The following GRIK1 variants were observed in gnomAD, a reference collection of about 807,000 sequenced individuals.
GRIK1 encodes glutamate ionotropic receptor kainate type subunit 1, also known as glutamate receptor ionotropic, kainate 1.
A neutral mutation model predicts 105.7 loss-of-function variants in GRIK1; 69 were observed. The observed-to-expected ratio is 0.65, with a 90% CI of 0.54 to 0.80. The LOEUF (loss-of-function observed/expected upper bound fraction) is 0.80. Ranked by LOEUF, GRIK1 falls within the 30% of genes least tolerant of loss-of-function variation. The probability of loss-of-function intolerance (pLI) is 0.00; values close to 1 mark genes in which losing one functional copy is unlikely to be tolerated. For synonymous variants in GRIK1, 438 were observed against 431.3 expected, an observed-to-expected ratio of 1.02 and a Z score of -0.19; for missense variants, 1,109 against 1,167.3, an observed-to-expected ratio of 0.95 and a Z score of 0.73.
intron 7 of GRIK1, among the ~76,000 whole-genome samples, chr21:29,640,181 C>T (rs540524786): frequency 1.3e-4 from 20 of 150,792 alleles, no homozygotes; most frequent in African/African-American, 4.1e-4. Flanking sequence ...AAAGAAGCAG[C>T]GGGGGAAATT....
At chr21:29,933,397 G>A (rs1437924757) in intron 1 of GRIK1, among the ~76,000 whole-genome samples, 1 of 152,172 alleles carries the variant, frequency 6.6e-6, no homozygotes, top group Admixed American at 6.5e-5. Context: ...GACATTAATA[G>A]CTACGATTCA....
At chr21:29,653,100 G>T (rs1026156022) in intron 5 of GRIK1, among the ~76,000 whole-genome samples, 1 of 152,074 alleles carries the variant, frequency 6.6e-6, no homozygotes, top group African/African-American at 2.4e-5. Flanking sequence ...GAATATAAAA[G>T]CCAACCAGGA....
chr21:29,769,521 A>G (rs569062086), intron 1 of GRIK1, among the ~76,000 whole-genome samples: 51 of 152,166 alleles, frequency 3.4e-4, no homozygotes, highest in African/African-American at 1.2e-3. Context: ...GGAGTGTGCA[A>G]CCTACATCCC....
intron 1 of GRIK1, among the ~76,000 whole-genome samples, chr21:29,735,228 T>G (rs1337535110): frequency 6.6e-6 from 1 of 152,206 alleles, no homozygotes; most frequent in African/African-American, 2.4e-5. Flanking sequence ...TTCATTAAAT[T>G]CATGCATGGA....
intron 7 of GRIK1, among the ~76,000 whole-genome samples, chr21:29,640,277 C>T (rs912590957): frequency 4.6e-5 from 7 of 152,088 alleles, no homozygotes; most frequent in Non-Finnish European, 7.4e-5. Flanking sequence ...TCTGAAAAAA[C>T]ACGTGCACTT....
At chr21:29,731,637 T>G (rs1389059001) in intron 1 of GRIK1, among the ~76,000 whole-genome samples, 1 of 152,146 alleles carries the variant, frequency 6.6e-6, no homozygotes, top group Non-Finnish European at 1.5e-5. Flanking sequence ...CTGAACAAAT[T>G]GAGATGTCTG....
At chr21:29,770,144 G>A (rs777177874) in intron 1 of GRIK1, among the ~76,000 whole-genome samples, 4 of 152,128 alleles carry the variant, frequency 2.6e-5, no homozygotes, top group Non-Finnish European at 5.9e-5. Context: ...TACAAACACT[G>A]CTTTGTGACT....
At chr21:29,633,729 C>A (rs2062336619) in intron 7 of GRIK1, among the ~76,000 whole-genome samples, 1 of 152,086 alleles carries the variant, frequency 6.6e-6, no homozygotes, top group Non-Finnish European at 1.5e-5. Context: ...ACCCACTCTT[C>A]CTTAGGTCTA....
rs151311982 is a variant in GRIK1, at chr21:29,740,069, T to C, written c.119-46006A>G. On this transcript the variant is annotated intron_variant, in intron 1 of 17. Transcript: ENST00000327783. Reference sequence around the variant, plus strand: ...AAATGATTTCAATTGAAAAAACTTCTTCTGGATTAAGTGACTATTACATTG... The same window carrying C: ...AAATGATTTCAATTGAAAAAACTTCCTCTGGATTAAGTGACTATTACATTG... Among the ~76,000 whole-genome samples, 369 of 152,356 alleles carry C rather than the reference T, an allele frequency of 2.4e-3. 2 individuals are homozygous for C. The highest frequency in any genetic ancestry group is 0.019 in the South Asian group (93 of 4,828).
At position 29,561,823 on chromosome 21, in the gene GRIK1, C is replaced by T. The variant is rs2090487891; in HGVS notation, c.2157G>A (p.Lys719=). Residue 719 remains lysine (K), a synonymous_variant, in exon 15 of 18, where the codon AAG becomes AAA. Transcript: ENST00000327783. ...GCCTGCTGCTCATGAAAGCCCACAT[C>T]TTCTCATAGGTGGAGATTTTTGATT... is the stretch of plus-strand genomic sequence containing the variant. ...FKKSKISTYE[K]MWAFMSSRQQ... 6.2e-7 allele frequency: 1 copy of T among 1,613,272 alleles called. No individual in the cohort carries two copies. The highest frequency in any genetic ancestry group is 2.2e-5 in the East Asian group (1 of 44,878).
At chr21:29,833,386 G>A (rs1256374568) in intron 1 of GRIK1, among the ~76,000 whole-genome samples, 1 of 152,084 alleles carries the variant, frequency 6.6e-6, no homozygotes, top group East Asian at 1.9e-4. Context: ...CCAATTTTCT[G>A]TATTAGTCAG....
chr21:29,812,436 C>T (rs968546227), intron 1 of GRIK1, among the ~76,000 whole-genome samples: 1 of 152,208 alleles, frequency 6.6e-6, no homozygotes, highest in African/African-American at 2.4e-5. Context: ...GAATCCTTTG[C>T]CATTTGTTCT....
chr21:29,776,660 G>T lies in GRIK1; in HGVS notation c.119-82597C>A. Among the ~76,000 whole-genome samples the T allele has an allele frequency of 1.3e-5, 2 of 152,184 alleles. 1 individual carries two copies. The highest frequency in any genetic ancestry group is 3.9e-4 in the East Asian group (2 of 5,188). ...ATTTTTAATATTTTAACTCCCTGTT[G>T]ATAAAAGTGAAAGAGTCTAAAGTTT... On this transcript the variant is annotated intron_variant, in intron 1 of 17. Coordinates refer to ENST00000327783, the MANE Select transcript of GRIK1 (RefSeq NM_001330994.2).
intron 1 of GRIK1, among the ~76,000 whole-genome samples, chr21:29,856,093 T>C (rs960565841): frequency 7.2e-5 from 11 of 152,158 alleles, no homozygotes; most frequent in African/African-American, 2.7e-4. Flanking sequence ...ATTTCTGGGG[T>C]ACAAGTAGTG....
intron 1 of GRIK1, among the ~76,000 whole-genome samples, chr21:29,858,950 A>G (rs1383794206): frequency 2.0e-5 from 3 of 147,670 alleles, no homozygotes; most frequent in Non-Finnish European, 3.0e-5. Context: ...TAAATTCTAC[A>G]TTTTTTTTGT....
intron 1 of GRIK1, among the ~76,000 whole-genome samples, chr21:29,807,741 A>C (rs1212175041): frequency 6.6e-6 from 1 of 152,192 alleles, no homozygotes; most frequent in African/African-American, 2.4e-5. Flanking sequence ...CAGATGCTTC[A>C]TAGAACCAGA....
At chr21:29,690,383 C>A (rs363537) in intron 2 of GRIK1, among the ~76,000 whole-genome samples, 4,845 of 152,272 alleles carry the variant, frequency 0.032, 252 homozygotes, top group African/African-American at 0.11. Context: ...AGCAGGGTGG[C>A]ATTGAAAATA....
chr21:29,537,663 A>C (rs1046214489), intron 17 of GRIK1, 135 bp downstream of exon 17: 20 of 752,596 alleles, frequency 2.7e-5, no homozygotes, highest in Non-Finnish European at 4.8e-5. Flanking sequence ...GGGCTCTCAA[A>C]ATAGATAACT....
At position 29,900,459 on chromosome 21, in the gene GRIK1, C is replaced by CAAAAAAAAAAAAAAAAAAA. The variant is rs746842761; in HGVS notation, c.118+38923_118+38924insTTTTTTTTTTTTTTTTTTT. Reference sequence around the variant, plus strand: ...GAAGATCTACCAAACAAATGGAAAGCAAGAAAAAAAAAAAAAAAAAGCAAG... The same window carrying CAAAAAAAAAAAAAAAAAAA: ...GAAGATCTACCAAACAAATGGAAAGCAAAAAAAAAAAAAAAAAAAAAGAAAAAAAAAAAAAAAAAGCAAG... On this transcript the variant is annotated intron_variant, in intron 1 of 17. Coordinates refer to ENST00000327783, the MANE Select transcript of GRIK1 (RefSeq NM_001330994.2). Among the ~76,000 whole-genome samples the CAAAAAAAAAAAAAAAAAAA allele has an allele frequency of 3.3e-4, 26 of 78,306 alleles. 2 individuals are homozygous for CAAAAAAAAAAAAAAAAAAA. Among genetic ancestry groups the CAAAAAAAAAAAAAAAAAAA allele is most frequent in the East Asian group, 3.9e-4 (1 of 2,572 alleles). The allele number at this position is 78,306 out of a possible 152,430, so 51.4% of individuals were successfully genotyped here.
Sources: gnomAD v4.1 joint callset for allele counts (sites outside exome capture counted in the v4.1 genomes callset) on GRCh38, gnomAD v4.1.1 for gene constraint, MANE v1.5 for transcripts, NCBI Gene and HGNC (gene_info 2026-07-23, HGNC 2026-07-21) for gene names.